Variants in PRICKLE2 observed in about 807,000 individuals in gnomAD.
PRICKLE2 encodes prickle planar cell polarity protein 2.
In PRICKLE2, 21 loss-of-function variants were observed where a neutral mutation model predicts 81.4. The ratio of observed to expected loss-of-function variants is 0.26; its 90% CI spans 0.18 to 0.37. The LOEUF is 0.37. Among genes scored for constraint, PRICKLE2 ranks in the 10% least tolerant of loss-of-function variants. PRICKLE2 has a pLI of 1.00. For missense variants in PRICKLE2, 940 were observed against 1,109.0 expected (o/e 0.85, Z 2.16); for synonymous variants, 456 against 421.5 (o/e 1.08, Z -1.00).
chr3:64,155,090 A>C (rs1351614395), intron 5 of PRICKLE2: 1 of 144,686 alleles, frequency 6.9e-6, no homozygotes, highest in African/African-American at 2.5e-5. Flanking sequence ...TAGAGGCTGC[A>C]GTGAGCCAAG....
At chr3:64,173,184 C>G (rs572916725) in intron 2 of PRICKLE2, among the ~76,000 whole-genome samples, 162 of 152,264 alleles carry the variant, frequency 1.1e-3, no homozygotes, top group African/African-American at 3.5e-3. Flanking sequence ...AATAGGTAGA[C>G]AAAAACACTA....
intron 6 of PRICKLE2, among the ~76,000 whole-genome samples, chr3:64,151,132 G>A (rs1236000564): frequency 1.3e-5 from 2 of 152,302 alleles, no homozygotes; most frequent in Admixed American, 6.5e-5. Flanking sequence ...TGCTCTGAGC[G>A]GCTGTATAAA....
At chr3:64,150,227 T>C (rs1469470477) in intron 6 of PRICKLE2, among the ~76,000 whole-genome samples, 3 of 152,044 alleles carry the variant, frequency 2.0e-5, no homozygotes, top group African/African-American at 7.2e-5. Flanking sequence ...CCACAGCAGC[T>C]GGTTGTAAAG....
At chr3:64,224,585 T>C (rs770062119) in intron 1 of PRICKLE2, among the ~76,000 whole-genome samples, 3 of 152,218 alleles carry the variant, frequency 2.0e-5, no homozygotes, top group Non-Finnish European at 4.4e-5. Context: ...ATCAGGTATT[T>C]GGTCTGTTAG....
At chr3:64,187,927 G>A (rs2078265296) in intron 2 of PRICKLE2, among the ~76,000 whole-genome samples, 1 of 152,202 alleles carries the variant, frequency 6.6e-6, no homozygotes, top group African/African-American at 2.4e-5. Flanking sequence ...TAGGTTAACA[G>A]GCCAGAAAGG....
At chr3:64,216,764 T>A (rs1391271703) in intron 1 of PRICKLE2, among the ~76,000 whole-genome samples, 1 of 152,188 alleles carries the variant, frequency 6.6e-6, no homozygotes, top group Non-Finnish European at 1.5e-5. Flanking sequence ...GAAGCCAGTC[T>A]AGCAAGAATC....
At chr3:64,183,409 CA>C (rs2107084313) in intron 2 of PRICKLE2, among the ~76,000 whole-genome samples, 1 of 151,994 alleles carries the variant, frequency 6.6e-6, no homozygotes, top group African/African-American at 2.4e-5. Context: ...AGGAATGTTA[CA>C]AAAGAATAAT....
intron 7 of PRICKLE2, among the ~76,000 whole-genome samples, chr3:64,131,626 T>C (rs2106986756): frequency 6.6e-6 from 1 of 152,308 alleles, no homozygotes; most frequent in South Asian, 2.1e-4. Context: ...ATGTACTGTG[T>C]ATATGAAATC....
At chr3:64,109,466 C>T (rs1165266325) in intron 7 of PRICKLE2, among the ~76,000 whole-genome samples, 1 of 152,148 alleles carries the variant, frequency 6.6e-6, no homozygotes, top group Non-Finnish European at 1.5e-5. Context: ...GGCTTGCAGT[C>T]AGTTACACAT....
At chr3:64,193,732 T>C (rs1167164612) in intron 2 of PRICKLE2, among the ~76,000 whole-genome samples, 3 of 152,192 alleles carry the variant, frequency 2.0e-5, no homozygotes, top group Non-Finnish European at 4.4e-5. Flanking sequence ...GTCTTTCCCA[T>C]GATGGCCTCG....
chr3:64,128,797 T>G (rs1360088812), intron 7 of PRICKLE2, among the ~76,000 whole-genome samples: 1 of 150,532 alleles, frequency 6.6e-6, no homozygotes. Flanking sequence ...ATATTACATT[T>G]TAAAAGAAAA....
Position 64,146,825 on chromosome 3 carries a change from C to T in PRICKLE2, c.1660+5G>A. 6.2e-7 allele frequency: 1 copy of T among 1,614,048 alleles called. No individual in the cohort carries two copies. Among genetic ancestry groups the T allele is most frequent in the Non-Finnish European group, 8.5e-7 (1 of 1,180,000 alleles). On this transcript the variant is annotated splice_donor_5th_base_variant and intron_variant, in intron 7 of 7. Coordinates refer to ENST00000638394, the MANE Select transcript of PRICKLE2 (RefSeq NM_198859.4). ...CTATCTGTTTTCAAGGTGAACAGAA[C>T]CTACCTGTTGCATTAGACAGGGCCA...
At chr3:64,189,391 T>G (rs570149182) in intron 2 of PRICKLE2, among the ~76,000 whole-genome samples, 1 of 152,218 alleles carries the variant, frequency 6.6e-6, no homozygotes, top group Non-Finnish European at 1.5e-5. Context: ...TGACTCATGC[T>G]GTTCCCCTCC....
At chr3:64,188,543 G>A (rs1002029021) in intron 2 of PRICKLE2, among the ~76,000 whole-genome samples, 1 of 152,138 alleles carries the variant, frequency 6.6e-6, no homozygotes, top group Admixed American at 6.5e-5. Flanking sequence ...TACTGGTATG[G>A]GAACCTCGTT....
chr3:64,224,511 G>A (rs1161321913), intron 1 of PRICKLE2, among the ~76,000 whole-genome samples: 1 of 152,192 alleles, frequency 6.6e-6, no homozygotes, highest in Non-Finnish European at 1.5e-5. Flanking sequence ...CTGAGTCCTT[G>A]TTCCTCAGAT....
chr3:64,200,584 A>C (rs866175937), intron 1 of PRICKLE2: 2 of 151,446 alleles, frequency 1.3e-5, no homozygotes, highest in Middle Eastern at 3.5e-3. Flanking sequence ...CCTCCCAAGT[A>C]GCTGGGACCA....
chr3:64,228,565 G>T (rs369779505), upstream of PRICKLE2, among the ~76,000 whole-genome samples: 2 of 151,468 alleles, frequency 1.3e-5, no homozygotes, highest in African/African-American at 4.9e-5. Flanking sequence ...ATACTGGTAG[G>T]TATTAGAAAA....
intron 2 of PRICKLE2, among the ~76,000 whole-genome samples, chr3:64,232,833 C>A (rs2079125465): frequency 6.6e-6 from 1 of 152,172 alleles, no homozygotes. Flanking sequence ...AATGGCAACT[C>A]CACACTCCCA....
chr3:64,195,739 T>C (rs2078442197), intron 2 of PRICKLE2, among the ~76,000 whole-genome samples: 3 of 152,204 alleles, frequency 2.0e-5, no homozygotes, highest in South Asian at 4.1e-4. Context: ...ATCTTCCAAT[T>C]TACAAATTTG....
Sources: gnomAD v4.1 joint callset for allele counts (sites outside exome capture counted in the v4.1 genomes callset) on GRCh38, gnomAD v4.1.1 for gene constraint, MANE v1.5 for transcripts, NCBI Gene and HGNC (gene_info 2026-07-23, HGNC 2026-07-21) for gene names.